LDB2: variants seen among roughly 807,000 people sequenced by gnomAD.
The protein encoded by LDB2 is LIM domain binding 2, also known as LIM domain-binding protein 2.
LDB2 carries 12 observed loss-of-function variants against 44.3 expected under a neutral mutation model. That is an observed-to-expected ratio of 0.27 (90% CI 0.17 to 0.44). LDB2 has a LOEUF of 0.44. Among genes scored for constraint, LDB2 ranks in the 20% least tolerant of loss-of-function variants. The pLI is 1.00. For missense variants in LDB2, 344 were observed against 473.5 expected (o/e 0.73, Z 2.54); for synonymous variants, 164 against 174.8 (o/e 0.94, Z 0.49).
At chr4:16,776,712 C>T (rs979516141) in intron 1 of LDB2, among the ~76,000 whole-genome samples, 1 of 152,156 alleles carries the variant, frequency 6.6e-6, no homozygotes, top group African/African-American at 2.4e-5. Context: ...TGAAATATGT[C>T]ATTTATTAGA....
intron 2 of LDB2, among the ~76,000 whole-genome samples, chr4:16,673,034 T>TC (rs139209699): frequency 1.7e-3 from 258 of 151,934 alleles, no homozygotes; most frequent in African/African-American, 5.9e-3. Context: ...CTCTCTTTCT[T>TC]CCCCCCTTAC....
chr4:16,785,235 A>T (rs207701), intron 1 of LDB2, among the ~76,000 whole-genome samples: 4 of 151,916 alleles, frequency 2.6e-5, no homozygotes, highest in Non-Finnish European at 5.9e-5. Flanking sequence ...CATGATAAAC[A>T]TGCCTCCATC....
intron 2 of LDB2, among the ~76,000 whole-genome samples, chr4:16,724,519 C>T (rs1049372033): frequency 2.6e-5 from 4 of 152,020 alleles, no homozygotes; most frequent in African/African-American, 9.7e-5. Flanking sequence ...ATGAAGTCAG[C>T]ACTAAACTCA....
intron 5 of LDB2, among the ~76,000 whole-genome samples, chr4:16,567,779 AC>A (rs1419802713): frequency 1.8e-4 from 27 of 152,266 alleles, no homozygotes; most frequent in African/African-American, 6.0e-4. Context: ...CAAGAACAAA[AC>A]AAAAAAAAGT....
intron 2 of LDB2, among the ~76,000 whole-genome samples, chr4:16,605,561 A>C (rs553822225): frequency 2.2e-4 from 33 of 152,366 alleles, no homozygotes; most frequent in African/African-American, 7.5e-4. Flanking sequence ...GTGTTGAGTT[A>C]GACCTTACAG....
intron 1 of LDB2, among the ~76,000 whole-genome samples, chr4:16,782,057 T>G (rs1773361432): frequency 6.6e-6 from 1 of 152,192 alleles, no homozygotes; most frequent in African/African-American, 2.4e-5. Context: ...GGTGACTTGT[T>G]AGGGCAGCCT....
At chr4:16,864,403 T>C (rs1713890542) in intron 1 of LDB2, among the ~76,000 whole-genome samples, 2 of 112,618 alleles carry the variant, frequency 1.8e-5, no homozygotes, top group Admixed American at 9.4e-5. Flanking sequence ...ATAGGTCTCT[T>C]GGACTTTCTT....
At position 16,603,412 on chromosome 4, in the gene LDB2, G is replaced by A. The variant is rs151252692; in HGVS notation, c.236-7537C>T. 1.8e-3 allele frequency among the ~76,000 whole-genome samples: 276 copies of A among 152,314 alleles called. 1 individual carries two copies. Among genetic ancestry groups the A allele is most frequent in the African/African-American group, 6.4e-3 (266 of 41,576 alleles). ...GCGCAGCAAGAGAGTGGTCCCGGCA[G>A]AAGCAACAGCATTAGTTAGAGAAGG... On this transcript the variant is annotated intron_variant, in intron 2 of 7. Coordinates refer to ENST00000304523, the MANE Select transcript of LDB2 (RefSeq NM_001290.5).
At chr4:16,887,988 G>A (rs1389275714) in intron 1 of LDB2, among the ~76,000 whole-genome samples, 4 of 152,054 alleles carry the variant, frequency 2.6e-5, no homozygotes, top group Non-Finnish European at 4.4e-5. Context: ...ATACCGTATG[G>A]TACTCTTCAG....
At chr4:16,690,548 AAAGG>A (rs532786164) in intron 2 of LDB2, among the ~76,000 whole-genome samples, 39 of 69,362 alleles carry the variant, frequency 5.6e-4, no homozygotes, top group African/African-American at 1.8e-3. Context: ...GAGGTTGGGG[AAAGG>A]AAGGAAGGAA....
rs2152423441 is a variant in LDB2 at position 16,584,523 on chromosome 4, G to A, written c.615+1399C>T. ...CGGTGCCTCACTTTGCTACAGGGATGGTAATGGGGCACAGGGTCCATTATG... is the reference window on the plus strand; with the variant it reads ...CGGTGCCTCACTTTGCTACAGGGATAGTAATGGGGCACAGGGTCCATTATG... On this transcript the variant is annotated intron_variant, in intron 5 of 7. Coordinates refer to ENST00000304523, the MANE Select transcript of LDB2 (RefSeq NM_001290.5). 1.3e-5 allele frequency among the ~76,000 whole-genome samples: 2 copies of A among 152,326 alleles called. 1 individual carries two copies. Among genetic ancestry groups the A allele is most frequent in the South Asian group, 4.1e-4 (2 of 4,820 alleles).
At chr4:16,736,423 G>A (rs769537281) in intron 2 of LDB2, among the ~76,000 whole-genome samples, 10 of 152,250 alleles carry the variant, frequency 6.6e-5, no homozygotes, top group Non-Finnish European at 1.2e-4. Flanking sequence ...GGCTGTTTCC[G>A]CCTCCAACTT....
At chr4:16,803,019 A>G (rs16894026) in intron 1 of LDB2, among the ~76,000 whole-genome samples, 2,208 of 152,228 alleles carry the variant, frequency 0.015, 64 homozygotes, top group African/African-American at 0.05. Flanking sequence ...CATTTTTTAA[A>G]CTCATGGCTT....
chr4:16,512,208 T>C, intron 5 of LDB2, 104 bp from the exon 6 acceptor site: 8 of 1,101,448 alleles, frequency 7.3e-6, no homozygotes, highest in Non-Finnish European at 9.9e-6. Flanking sequence ...AGAATACTTT[T>C]ATTTTCCTGG....
At chr4:16,726,544 G>A (rs573694866) in intron 2 of LDB2, 1 of 152,318 alleles carries the variant, frequency 6.6e-6, no homozygotes, top group Non-Finnish European at 1.5e-5. Flanking sequence ...AAACCCAAAT[G>A]AGTATGTGGA....
chr4:16,692,728 G>A (rs2152604864), intron 2 of LDB2, among the ~76,000 whole-genome samples: 1 of 152,212 alleles, frequency 6.6e-6, no homozygotes, highest in Non-Finnish European at 1.5e-5. Context: ...ATGATGATTT[G>A]TCTTGGTGAG....
chr4:16,851,863 G>A (rs1421352396), intron 1 of LDB2, among the ~76,000 whole-genome samples: 1 of 152,208 alleles, frequency 6.6e-6, no homozygotes, highest in Non-Finnish European at 1.5e-5. Flanking sequence ...ATCAAAGTAA[G>A]GTAGAGTTTG....
Position 16,655,978 on chromosome 4 carries a change from C to T in LDB2, c.236-60103G>A, listed in dbSNP as rs549470217. Among the ~76,000 whole-genome samples the T allele has an allele frequency of 1.9e-3, 276 of 141,610 alleles. 2 individuals are homozygous for T. Among genetic ancestry groups the T allele is most frequent in the African/African-American group, 6.7e-3 (255 of 37,832 alleles). The allele number at this position is 141,610 out of a possible 152,430, so 92.9% of individuals were successfully genotyped here. On this transcript the variant is annotated intron_variant, in intron 2 of 7. Transcript: ENST00000304523. ...GCGGTGGCGCAATCTCAGCTCACTG[C>T]AAGCTCCACCTCCCGGGTTCACGCC...
At chr4:16,550,376 G>A (rs145567073) in intron 5 of LDB2, among the ~76,000 whole-genome samples, 50 of 152,338 alleles carry the variant, frequency 3.3e-4, no homozygotes, top group African/African-American at 1.1e-3. Context: ...GTAGCCAAGA[G>A]TAGGTCTTAT....
Sources: gnomAD v4.1 joint callset for allele counts (sites outside exome capture counted in the v4.1 genomes callset) on GRCh38, gnomAD v4.1.1 for gene constraint, MANE v1.5 for transcripts, NCBI Gene and HGNC (gene_info 2026-07-23, HGNC 2026-07-21) for gene names.